The following SPATA1 variants were observed in gnomAD, a reference collection of about 807,000 sequenced individuals.
SPATA1 encodes the protein spermatogenesis associated 1.
A neutral mutation model predicts 59.6 loss-of-function variants in SPATA1; 57 were observed. That is an observed-to-expected ratio of 0.96 (90% confidence interval 0.77 to 1.19). The LOEUF is 1.19. Ranked by LOEUF, SPATA1 falls within the 50% of genes most tolerant of loss-of-function variation. The pLI is 0.00. For missense variants in SPATA1, 448 were observed against 480.7 expected (o/e 0.93, Z 0.64); for synonymous variants, 147 against 163.9 (o/e 0.90, Z 0.79).
At chr1:84,533,228 A>G (rs1683542530) in intron 7 of SPATA1, among the ~76,000 whole-genome samples, 1 of 152,132 alleles carries the variant, frequency 6.6e-6, no homozygotes, top group Admixed American at 6.5e-5. Flanking sequence ...TTGATGACAG[A>G]AAAATTTCTG....
chr1:84,531,152 T>C (rs1393841426), intron 6 of SPATA1, among the ~76,000 whole-genome samples: 2 of 152,040 alleles, frequency 1.3e-5, no homozygotes. Flanking sequence ...AGACAATCTG[T>C]TTTTTTGTTT....
chr1:84,536,859 C>T (rs1053163866), intron 8 of SPATA1, among the ~76,000 whole-genome samples: 1 of 147,880 alleles, frequency 6.8e-6, no homozygotes, highest in Non-Finnish European at 1.5e-5. Context: ...TAGGACTATA[C>T]TTGATTTGTT....
chr1:84,550,401 A>G, intron 11 of SPATA1, 31 bp from the exon 12 acceptor site: 1 of 1,166,896 alleles, frequency 8.6e-7, no homozygotes, highest in South Asian at 1.8e-5. Flanking sequence ...TTTATATGTT[A>G]TACTAAATAA....
intron 6 of SPATA1, among the ~76,000 whole-genome samples, chr1:84,532,575 C>T (rs1683515739): frequency 6.6e-6 from 1 of 152,070 alleles, no homozygotes. Context: ...TGGAGACAAA[C>T]CCTTTAATAG....
At chr1:84,518,480 T>C (rs890064493) in intron 2 of SPATA1, among the ~76,000 whole-genome samples, 3 of 152,098 alleles carry the variant, frequency 2.0e-5, no homozygotes, top group African/African-American at 4.8e-5. Context: ...AGAATTACTC[T>C]TTTTATTTAT....
intron 9 of SPATA1, among the ~76,000 whole-genome samples, chr1:84,544,705 C>T (rs1427370641): frequency 4.0e-5 from 6 of 151,616 alleles, no homozygotes; most frequent in African/African-American, 1.5e-4. Flanking sequence ...GGATTACAGG[C>T]GTGCACCACC....
At chr1:84,521,174 AG>A (rs1683009185) in intron 3 of SPATA1, among the ~76,000 whole-genome samples, 1 of 140,708 alleles carries the variant, frequency 7.1e-6, no homozygotes, top group Non-Finnish European at 1.6e-5. Flanking sequence ...GAAGGAAGGA[AG>A]GAAAGAAGAA....
At chr1:84,566,407 T>C (rs1433155965), downstream of SPATA1, among the ~76,000 whole-genome samples, 2 of 152,172 alleles carry the variant, frequency 1.3e-5, no homozygotes, top group Non-Finnish European at 2.9e-5. Context: ...CAAAAGTTTT[T>C]AAAATATTGT....
chr1:84,523,356 T>G (rs1683101076), intron 4 of SPATA1, among the ~76,000 whole-genome samples: 1 of 152,192 alleles, frequency 6.6e-6, no homozygotes, highest in Admixed American at 6.5e-5. Context: ...CTACATAAAT[T>G]TTATTTCCTT....
exon 10 of SPATA1, chr1:84,545,695 T>C (rs766119880): frequency 3.2e-6 from 5 of 1,539,088 alleles, no homozygotes; most frequent in Non-Finnish European, 4.3e-6. Flanking sequence ...TGGAAAGAAA[T>C]AGAGAAGAAC....
chr1:84,551,334 G>A (rs1349776427), intron 12 of SPATA1: 7 of 911,748 alleles, frequency 7.7e-6, no homozygotes, highest in African/African-American at 1.8e-5. Context: ...AAAGAAAAAA[G>A]AAAATCAGTA....
chr1:84,557,095 C>T (rs1287731059), downstream of SPATA1, among the ~76,000 whole-genome samples: 3 of 152,160 alleles, frequency 2.0e-5, no homozygotes, highest in Non-Finnish European at 4.4e-5. Context: ...ACATGTAAGA[C>T]TAATTTATGC....
chr1:84,548,689 G>C, intron 10 of SPATA1, 97 bp from the exon 11 acceptor site: 1 of 1,303,436 alleles, frequency 7.7e-7, no homozygotes, highest in East Asian at 3.0e-5. Context: ...ATTGACATTA[G>C]CTCTAGGATC....
chr1:84,520,747 A>G (rs1682990501), intron 3 of SPATA1, 56 bp downstream of exon 3: 1 of 1,219,644 alleles, frequency 8.2e-7, no homozygotes, highest in Non-Finnish European at 1.1e-6. Context: ...TGTTTTCTTC[A>G]GAGAAAAATG....
chr1:84,556,202 G>A (rs1684425227), downstream of SPATA1, among the ~76,000 whole-genome samples: 1 of 152,086 alleles, frequency 6.6e-6, no homozygotes, highest in Non-Finnish European at 1.5e-5. Context: ...CAGCACATGA[G>A]CTATTGGATA....
At chr1:84,558,604 TA>T (rs112293082), downstream of SPATA1, among the ~76,000 whole-genome samples, 13,223 of 139,438 alleles carry the variant, frequency 0.095, 1,117 homozygotes, top group African/African-American at 0.23. Context: ...TTTTTTTAAT[TA>T]AAAAAAAAAA....
intron 3 of SPATA1, 92 bp downstream of exon 3, chr1:84,520,783 G>A: frequency 1.2e-6 from 1 of 856,186 alleles, no homozygotes; most frequent in South Asian, 1.6e-5. Flanking sequence ...AAAACTATAA[G>A]TGAAAAATAT....
chr1:84,545,376 T>C (rs1218051788), intron 9 of SPATA1, among the ~76,000 whole-genome samples: 4 of 151,938 alleles, frequency 2.6e-5, no homozygotes, highest in Non-Finnish European at 5.9e-5. Flanking sequence ...GCTTGAGCTT[T>C]ACCTAGTTTC....
chr1:84,543,226 G>A (rs1248472312), intron 8 of SPATA1, among the ~76,000 whole-genome samples: 1 of 152,140 alleles, frequency 6.6e-6, no homozygotes, highest in African/African-American at 2.4e-5. Context: ...GAAAACTAAT[G>A]AGGTACCGAA....
Sources: allele counts gnomAD v4.1 joint callset (sites outside exome capture counted in the v4.1 genomes callset), GRCh38; gene constraint gnomAD v4.1.1; transcripts MANE v1.5; gene names NCBI Gene and HGNC (gene_info 2026-07-23, HGNC 2026-07-21).